The following ADAMTS12 variants were observed in gnomAD, a reference collection of about 807,000 sequenced individuals.
The protein encoded by ADAMTS12 is A disintegrin and metalloproteinase with thrombospondin motifs 12.
ADAMTS12 carries 118 observed loss-of-function variants against 167.8 expected under a neutral mutation model. The ratio of observed to expected loss-of-function variants is 0.70; its 90% CI spans 0.61 to 0.82. The LOEUF (loss-of-function observed/expected upper bound fraction) is 0.82, where lower values mean the gene tolerates loss of function less well. Among genes scored for constraint, ADAMTS12 ranks in the 40% least tolerant of loss-of-function variants. The pLI is 0.00. For synonymous variants in ADAMTS12, 704 were observed against 716.9 expected (o/e 0.98, Z 0.29); for missense variants, 1,916 against 1,998.8 (o/e 0.96, Z 0.79).
At chr5:33,811,138 G>A (rs548073088) in intron 2 of ADAMTS12, among the ~76,000 whole-genome samples, 3 of 152,214 alleles carry the variant, frequency 2.0e-5, no homozygotes, top group Admixed American at 6.5e-5. Context: ...AAACATGGGG[G>A]CTAATAGTAC....
In ADAMTS12 at chr5:33,527,051, T is replaced by C; in HGVS notation, c.*137A>G. 1.7e-6 allele frequency: 2 copies of C among 1,173,132 alleles called. No homozygotes were observed. The highest frequency in any genetic ancestry group is 1.5e-5 in the South Asian group (1 of 66,548). The allele number at this position is 1,173,132 out of a possible 1,614,324, so 72.7% of individuals were successfully genotyped here. A position where few individuals can be genotyped will look rare whatever the true frequency, so the allele number is the denominator to read the frequency against. On this transcript the variant is annotated 3_prime_UTR_variant, in exon 24 of 24. Coordinates refer to ENST00000504830, the MANE Select transcript of ADAMTS12 (RefSeq NM_030955.4). The stretch of plus-strand genomic sequence containing the variant: ...ACATTCGGTGGCTAGAGGAACACAA[T>C]GGATTTTGTTTCATCATGACCCAAA...
intron 18 of ADAMTS12, among the ~76,000 whole-genome samples, chr5:33,583,914 G>A (rs1747203919): frequency 6.6e-6 from 1 of 152,138 alleles, no homozygotes; most frequent in African/African-American, 2.4e-5. Context: ...CAATTGTCAT[G>A]CATAGTCTGA....
intron 2 of ADAMTS12, among the ~76,000 whole-genome samples, chr5:33,826,242 C>T (rs1314009939): frequency 6.6e-6 from 1 of 151,918 alleles, no homozygotes; most frequent in East Asian, 1.9e-4. Context: ...ATGTGGTCTA[C>T]AATAGTGTGC....
chr5:33,700,644 G>A (rs1012065002), intron 3 of ADAMTS12, among the ~76,000 whole-genome samples: 17 of 152,182 alleles, frequency 1.1e-4, no homozygotes, highest in East Asian at 5.8e-4. Context: ...ATATACTTGC[G>A]ATAAAACCAT....
chr5:33,758,547 C>T (rs1231192956), intron 2 of ADAMTS12, among the ~76,000 whole-genome samples: 8 of 152,164 alleles, frequency 5.3e-5, no homozygotes, highest in Non-Finnish European at 8.8e-5. Context: ...GATGTGGATT[C>T]GCGCAAGGGG....
intron 2 of ADAMTS12, among the ~76,000 whole-genome samples, chr5:33,867,913 T>A (rs1041206595): frequency 6.6e-6 from 1 of 152,162 alleles, no homozygotes; most frequent in African/African-American, 2.4e-5. Context: ...GTGATTTGGA[T>A]CATGGGGAAA....
chr5:33,576,362 G>A lies in ADAMTS12; in HGVS notation c.3664C>T (p.Pro1222Ser), dbSNP rs760038469. 4.3e-6 allele frequency: 7 copies of A among 1,614,014 alleles called. No individual in the cohort carries two copies. The South Asian group carries it at 7.7e-5, about 18-fold the overall frequency. ...PFSTVMEGLL[P>S]SQRPTTSETG... is the part of the protein sequence containing the mutation. ...TCGGAAGTAGTGGGCCTTTGGCTGGGGAGCAGTCCTTCCATTACTGTGCTG... is the reference window on the plus strand; with the variant it reads ...TCGGAAGTAGTGGGCCTTTGGCTGGAGAGCAGTCCTTCCATTACTGTGCTG... The change falls in exon 19 of 24, where the codon CCC becomes TCC. Residue 1222 changes from proline (P) to serine (S), a missense_variant. By Grantham distance (74) the Pro-to-Ser change is moderately conservative (BLOSUM62 -1). Transcript: ENST00000504830.
chr5:33,824,390 A>G (rs1747980789), intron 2 of ADAMTS12, among the ~76,000 whole-genome samples: 1 of 152,208 alleles, frequency 6.6e-6, no homozygotes, highest in African/African-American at 2.4e-5. Context: ...GTTCCCTTCT[A>G]TATTAAAAGA....
intron 22 of ADAMTS12, among the ~76,000 whole-genome samples, chr5:33,535,556 G>A (rs754297122): frequency 3.3e-5 from 5 of 152,182 alleles, no homozygotes; most frequent in Non-Finnish European, 5.9e-5. Flanking sequence ...AGAGAGGAAC[G>A]GGAATGAGGG....
chr5:33,595,522 C>T (rs1273057593), intron 17 of ADAMTS12, among the ~76,000 whole-genome samples: 1 of 152,176 alleles, frequency 6.6e-6, no homozygotes. Context: ...CTCTGAGCCC[C>T]CTCTTCTGGA....
intron 18 of ADAMTS12, among the ~76,000 whole-genome samples, chr5:33,585,791 A>AG (rs1200254966): frequency 6.6e-6 from 1 of 152,174 alleles, no homozygotes; most frequent in African/African-American, 2.4e-5. Context: ...GGCTGGTCAC[A>AG]GGGGGCAGGA....
At chr5:33,782,702 A>G (rs918347338) in intron 2 of ADAMTS12, among the ~76,000 whole-genome samples, 4 of 152,088 alleles carry the variant, frequency 2.6e-5, no homozygotes, top group African/African-American at 9.6e-5. Flanking sequence ...GAGACATTTC[A>G]TAATAATAAA....
intron 3 of ADAMTS12, among the ~76,000 whole-genome samples, chr5:33,744,103 T>C (rs1157251046): frequency 6.6e-6 from 1 of 152,234 alleles, no homozygotes; most frequent in Admixed American, 6.5e-5. Context: ...CCAGGAACTC[T>C]GACAGATCTT....
intron 2 of ADAMTS12, among the ~76,000 whole-genome samples, chr5:33,835,978 G>C (rs1390905841): frequency 7.3e-6 from 1 of 137,526 alleles, no homozygotes; most frequent in Non-Finnish European, 1.5e-5. Flanking sequence ...TGTCCATCTG[G>C]GCAGTTTATG....
chr5:33,790,750 ACT>A (rs1183964274), intron 2 of ADAMTS12, among the ~76,000 whole-genome samples: 1 of 142,234 alleles, frequency 7.0e-6, no homozygotes, highest in African/African-American at 2.6e-5. Flanking sequence ...CATATACTTG[ACT>A]CTAATCAAAC....
intron 2 of ADAMTS12, among the ~76,000 whole-genome samples, chr5:33,771,859 C>T (rs1313735350): frequency 2.7e-5 from 4 of 146,440 alleles, no homozygotes; most frequent in Non-Finnish European, 6.0e-5. Flanking sequence ...TTGACAAGGT[C>T]TTGCTCTGTC....
chr5:33,635,316 T>C, intron 12 of ADAMTS12, among the ~76,000 whole-genome samples: 1 of 152,288 alleles, frequency 6.6e-6, no homozygotes, highest in Admixed American at 6.5e-5. Context: ...TTTAAAGACA[T>C]GAACATTGCC....
Position 33,701,818 on chromosome 5 carries a change from A to C in ADAMTS12, c.635-17763T>G, listed in dbSNP as rs540628774. 3.9e-5 allele frequency among the ~76,000 whole-genome samples: 6 copies of C among 152,302 alleles called. No homozygotes were observed. The East Asian group carries it at 5.8e-4, about 15-fold the overall frequency. On this transcript the variant is annotated intron_variant, in intron 3 of 23. Transcript: ENST00000504830. ...CTTGTGGGATTCAGCTTGAAGATAC[A>C]AAGCCCATATAACCTTCAGCACAAG...
At chr5:33,695,585 G>A (rs980936805) in intron 3 of ADAMTS12, among the ~76,000 whole-genome samples, 1 of 152,170 alleles carries the variant, frequency 6.6e-6, no homozygotes, top group Non-Finnish European at 1.5e-5. Context: ...AGTGAAACAA[G>A]CCAGTCACAA....
Sources: gnomAD v4.1 joint callset for allele counts (sites outside exome capture counted in the v4.1 genomes callset) on GRCh38, gnomAD v4.1.1 for gene constraint, MANE v1.5 for transcripts, NCBI Gene and HGNC (gene_info 2026-07-23, HGNC 2026-07-21) for gene names.